ECHS1: variants seen among roughly 807,000 people sequenced by gnomAD.
The protein encoded by ECHS1 is enoyl-CoA hydratase, short chain 1.
Under a neutral mutation model 33.5 loss-of-function variants are expected in ECHS1, and 19 were observed. The ratio of observed to expected loss-of-function variants is 0.57; its 90% confidence interval spans 0.40 to 0.83. The LOEUF is 0.83. Among genes scored for constraint, ECHS1 ranks in the 40% least tolerant of loss-of-function variants. ECHS1 has a pLI of 0.00. For synonymous variants in ECHS1, 158 were observed against 146.6 expected (o/e 1.08, Z -0.56); for missense variants, 365 against 381.3 (o/e 0.96, Z 0.36).
At chr10:133,370,510 CG>C (rs1849090135) in intron 2 of ECHS1, 49 bp downstream of exon 2, 2 of 1,451,352 alleles carry the variant, frequency 1.4e-6, no homozygotes. Context: ...CAAGGCCATA[CG>C]TGCCTCCCAC....
chr10:133,367,788 A>C (rs546636782), intron 4 of ECHS1, among the ~76,000 whole-genome samples: 10 of 151,674 alleles, frequency 6.6e-5, no homozygotes, highest in Non-Finnish European at 1.5e-4. Context: ...AAAGAGTGAA[A>C]GTCTTAAAGT....
At chr10:133,371,335 T>C (rs1214520927) in intron 1 of ECHS1, among the ~76,000 whole-genome samples, 1 of 152,040 alleles carries the variant, frequency 6.6e-6, no homozygotes, top group Admixed American at 6.6e-5. Flanking sequence ...CCACAGCCGC[T>C]TTCCTTCTCC....
At chr10:133,369,154 A>C (rs1849071641) in intron 3 of ECHS1, 132 bp from the exon 4 acceptor site, 1 of 730,170 alleles carries the variant, frequency 1.4e-6, no homozygotes, top group Middle Eastern at 2.5e-4. Context: ...TGGTGGCACC[A>C]AACTAGATAA....
At chr10:133,363,355 GCACA>G (rs906664996) in intron 7 of ECHS1, among the ~76,000 whole-genome samples, 83 of 145,008 alleles carry the variant, frequency 5.7e-4, no homozygotes, top group African/African-American at 2.1e-3. Context: ...GTGCGCGCGC[GCACA>G]CACACACACA....
chr10:133,370,173 G>A (rs1369280682), intron 2 of ECHS1, 142 bp from the exon 3 acceptor site: 6 of 1,197,334 alleles, frequency 5.0e-6, no homozygotes, highest in Middle Eastern at 2.2e-4. Context: ...CAGGCCACGT[G>A]GACAGCTGTA....
In ECHS1 at chr10:133,373,351, G is replaced by A. The variant is rs1053158402; in HGVS notation, c.-18C>T. The A allele has an allele frequency of 6.7e-7, 1 of 1,490,314 alleles. No individual in the cohort carries two copies. Among genetic ancestry groups the A allele is most frequent in the Non-Finnish European group, 8.9e-7 (1 of 1,126,552 alleles). 92.3% of individuals were successfully genotyped at this position (1,490,314 alleles called of 1,614,324 possible). A position where few individuals can be genotyped will look rare whatever the true frequency, so the allele number is the denominator to read the frequency against. The stretch of plus-strand genomic sequence containing the variant: ...GCGGCCATGGCTCTCTGGACTCCTC[G>A]CCCGGCCCCGCGGAGCCGCCCCCTC... On this transcript the variant is annotated 5_prime_UTR_variant, in exon 1 of 8. Coordinates refer to ENST00000368547, the MANE Select transcript of ECHS1 (RefSeq NM_004092.4).
intron 4 of ECHS1, among the ~76,000 whole-genome samples, chr10:133,368,597 C>A (rs1356536650): frequency 6.6e-6 from 1 of 152,146 alleles, no homozygotes; most frequent in East Asian, 1.9e-4. Flanking sequence ...GCTCCCAGTG[C>A]CACCCAGGGT....
At chr10:133,363,275 T>C (rs1158532819) in intron 7 of ECHS1, among the ~76,000 whole-genome samples, 1 of 152,260 alleles carries the variant, frequency 6.6e-6, no homozygotes, top group Non-Finnish European at 1.5e-5. Flanking sequence ...CTACTCTGTG[T>C]TGGAGTAGGA....
At chr10:133,364,530 G>A (rs1018659267) in intron 7 of ECHS1, 128 bp downstream of exon 7, 9 of 736,738 alleles carry the variant, frequency 1.2e-5, no homozygotes, top group Admixed American at 7.1e-5. Context: ...ATCTGATCCC[G>A]TTAAAGGTGA....
chr10:133,365,106 C>T (rs563343799), intron 6 of ECHS1, among the ~76,000 whole-genome samples: 7 of 152,352 alleles, frequency 4.6e-5, no homozygotes, highest in South Asian at 2.1e-4. Context: ...GAGCTGGGCG[C>T]GGCCGGCACC....
chr10:133,366,243 A>G, intron 5 of ECHS1, 148 bp from the exon 6 acceptor site: 1 of 870,792 alleles, frequency 1.1e-6, no homozygotes, highest in Non-Finnish European at 1.7e-6. Flanking sequence ...GAAGTGCCGC[A>G]CGTGCCCCTT....
At chr10:133,365,602 C>T (rs533463416) in intron 6 of ECHS1, among the ~76,000 whole-genome samples, 216 of 152,366 alleles carry the variant, frequency 1.4e-3, no homozygotes, top group African/African-American at 5.0e-3. Flanking sequence ...ACCTGCCAGG[C>T]GCACACGCAG....
chr10:133,368,472 G>A (rs1204517159), intron 4 of ECHS1, among the ~76,000 whole-genome samples: 1 of 152,124 alleles, frequency 6.6e-6, no homozygotes. Flanking sequence ...GTTAGAGGGT[G>A]TTGCTTTTTG....
chr10:133,369,029 A>G lies in ECHS1; in HGVS notation c.415-7T>C, dbSNP rs1849070436. ...GCTCACAGCCCCCGCCAAACTGTAA[A>G]ACATTCGGCATCAGGAGAGTCTTAC... On this transcript the variant is annotated splice_region_variant and splice_polypyrimidine_tract_variant and intron_variant, in intron 3 of 7. Transcript: ENST00000368547. The G allele has an allele frequency of 6.2e-7, 1 of 1,613,292 alleles. No individual in the cohort carries two copies. Among genetic ancestry groups the G allele is most frequent in the Non-Finnish European group, 8.5e-7 (1 of 1,179,748 alleles).
Position 133,369,968 on chromosome 10 carries a change from A to G in ECHS1, c.350T>C (p.Leu117Ser). The change falls in exon 3 of 8, where the codon TTG (leucine) becomes TCG (serine). Residue 117 changes from leucine (L) to serine (S), a missense_variant. Physicochemically the swap from Leu to Ser is moderately radical, Grantham distance 145. Coordinates refer to ENST00000368547, the MANE Select transcript of ECHS1 (RefSeq NM_004092.4). ...SFQDCYSSKF[L>S]KHWDHLTQVK... ...CTGGGTGAGGTGGTCCCAGTGCTTC[A>G]AGAACTTGCTGGAGTAACAGTCCTG... 1 of 1,613,916 alleles carries G rather than the reference A, an allele frequency of 6.2e-7. No individual in the cohort carries two copies. The highest frequency in any genetic ancestry group is 8.5e-7 in the Non-Finnish European group (1 of 1,179,988).
Position 133,365,979 on chromosome 10 carries a change from C to T in ECHS1, c.736G>A (p.Ala246Thr), listed in dbSNP as rs765614993. The part of the protein sequence containing the change: ...VVAMAKESVN[A>T]AFEMTLTEGS... ...GTCTTCCTGGCAGATCCCCTACCTG[C>T]ATTCACTGATTCTTTGGCCATCGCT... Residue 246 changes from alanine (A) to threonine (T), a missense_variant, in exon 6 of 8, where the codon GCA becomes ACA. Ala to Thr is a moderately conservative substitution (Grantham distance 58). Coordinates refer to ENST00000368547, the MANE Select transcript of ECHS1 (RefSeq NM_004092.4). 1.2e-6 allele frequency: 2 copies of T among 1,613,824 alleles called. No homozygotes were observed. Among genetic ancestry groups the T allele is most frequent in the South Asian group, 2.2e-5 (2 of 91,086 alleles).
chr10:133,366,222 C>T (rs1451732003), intron 5 of ECHS1, 127 bp from the exon 6 acceptor site: 3 of 1,148,538 alleles, frequency 2.6e-6, no homozygotes, highest in South Asian at 3.0e-5. Flanking sequence ...GCAAGGGCGG[C>T]TTCCACACGG....
intron 3 of ECHS1, 43 bp downstream of exon 3, chr10:133,369,861 C>T (rs763810635): frequency 1.2e-6 from 2 of 1,608,690 alleles, no homozygotes; most frequent in Non-Finnish European, 1.7e-6. Flanking sequence ...CAGCACGGTT[C>T]CTTCAACCAC....
At chr10:133,367,832 T>G (rs3975643) in intron 4 of ECHS1, among the ~76,000 whole-genome samples, 1 of 151,256 alleles carries the variant, frequency 6.6e-6, no homozygotes, top group East Asian at 1.9e-4. Flanking sequence ...TAGAAGAAAA[T>G]GCTGACATAT....
Sources: allele counts gnomAD v4.1 joint callset (sites outside exome capture counted in the v4.1 genomes callset), GRCh38; gene constraint gnomAD v4.1.1; transcripts MANE v1.5; gene names NCBI Gene and HGNC (gene_info 2026-07-23, HGNC 2026-07-21).